Variants in OPCML observed in about 807,000 individuals in gnomAD.
The protein encoded by OPCML is opioid-binding protein/cell adhesion molecule.
OPCML carries 13 observed loss-of-function variants against 37.8 expected under a neutral mutation model. That is an observed-to-expected ratio of 0.34 (90% CI 0.22 to 0.55). OPCML has a LOEUF of 0.55. OPCML is among the 20% of genes least tolerant of loss of function. The probability of loss-of-function intolerance (pLI) is 0.91; values close to 1 mark genes in which losing one functional copy is unlikely to be tolerated. For synonymous variants in OPCML, 176 were observed against 168.8 expected, an observed-to-expected ratio of 1.04 and a Z score of -0.33; for missense variants, 341 against 435.6, an observed-to-expected ratio of 0.78 and a Z score of 1.93.
In OPCML at chr11:132,526,891, C is replaced by T. The variant is rs549702342; in HGVS notation, c.505+2170G>A. ...GTGGCCCTTTGCCGTCACTTCTCCCCTAATCCCTACCCTAGGTAACCACTG... is the reference window on the plus strand; with the variant it reads ...GTGGCCCTTTGCCGTCACTTCTCCCTTAATCCCTACCCTAGGTAACCACTG... On this transcript the variant is annotated intron_variant, in intron 4 of 7. Coordinates refer to ENST00000524381, the MANE Select transcript of OPCML (RefSeq NM_001012393.5). Among the ~76,000 whole-genome samples the T allele has an allele frequency of 3.9e-5, 6 of 152,268 alleles. No individual in the cohort carries two copies. In the South Asian group the frequency reaches 8.3e-4, roughly 21 times the overall value.
intron 2 of OPCML, among the ~76,000 whole-genome samples, chr11:132,780,410 T>C (rs1040719089): frequency 2.0e-5 from 3 of 152,148 alleles, no homozygotes; most frequent in Non-Finnish European, 2.9e-5. Context: ...ATATTAATAG[T>C]GGGTTGTTTT....
At chr11:133,215,221 A>T (rs896948120) in intron 1 of OPCML, among the ~76,000 whole-genome samples, 25 of 151,430 alleles carry the variant, frequency 1.7e-4, no homozygotes, top group Non-Finnish European at 2.4e-4. Context: ...TGTGTGTGAG[A>T]GAGAGAGAGA....
chr11:133,222,486 A>T (rs1939878594), intron 1 of OPCML, among the ~76,000 whole-genome samples: 1 of 152,112 alleles, frequency 6.6e-6, no homozygotes, highest in African/African-American at 2.4e-5. Flanking sequence ...TGCAGCCTGG[A>T]CTGGGGAGAC....
chr11:133,182,191 G>T (rs1937864797), intron 1 of OPCML, among the ~76,000 whole-genome samples: 1 of 152,166 alleles, frequency 6.6e-6, no homozygotes, highest in Non-Finnish European at 1.5e-5. Context: ...CATGTAGCAG[G>T]AATAAAAGAA....
intron 1 of OPCML, among the ~76,000 whole-genome samples, chr11:133,217,303 A>G (rs919952090): frequency 2.0e-5 from 3 of 151,810 alleles, no homozygotes; most frequent in Non-Finnish European, 4.4e-5. Flanking sequence ...TTTGTAAATT[A>G]CTCATCATTC....
intron 2 of OPCML, among the ~76,000 whole-genome samples, chr11:132,856,129 A>G (rs1942044953): frequency 6.6e-6 from 1 of 152,226 alleles, no homozygotes. Flanking sequence ...TGTCCTAGGC[A>G]TAAAAATTTG....
chr11:133,037,445 G>A (rs1947802909), intron 1 of OPCML, among the ~76,000 whole-genome samples: 1 of 152,194 alleles, frequency 6.6e-6, no homozygotes, highest in African/African-American at 2.4e-5. Context: ...TGGGTAGGAG[G>A]TGGGTCAGAA....
rs141817661 is a variant in OPCML at position 133,211,205 on chromosome 11, G to GTTCTGCTT, written c.62-268203_62-268196dup. Among the ~76,000 whole-genome samples the GTTCTGCTT allele has an allele frequency of 0.074, 11,204 of 152,080 alleles. 445 individuals carry two copies. The highest frequency in any genetic ancestry group is 0.096 in the Non-Finnish European group (6,546 of 67,982). ...GATTTAATGTACTCATTTCCCTCAGGTTCTGCTTTCTGGTGATGGTTTCCT... is the reference window on the plus strand; with the variant it reads ...GATTTAATGTACTCATTTCCCTCAGGTTCTGCTTTTCTGCTTTCTGGTGATGGTTTCCT... On this transcript the variant is annotated intron_variant, in intron 1 of 7. Transcript: ENST00000524381. This position sits in a 1 kb window ranked among gnomAD's most constrained non-coding sequence, Gnocchi z 4.1.
intron 1 of OPCML, among the ~76,000 whole-genome samples, chr11:133,152,041 T>C (rs1184782794): frequency 6.6e-6 from 1 of 152,158 alleles, no homozygotes; most frequent in Non-Finnish European, 1.5e-5. Flanking sequence ...GAAACAGAGA[T>C]TTAGTTTATA....
intron 1 of OPCML, among the ~76,000 whole-genome samples, chr11:133,172,007 G>A (rs934903460): frequency 1.3e-5 from 2 of 152,184 alleles, no homozygotes; most frequent in African/African-American, 4.8e-5. Flanking sequence ...CTGCTTATTT[G>A]AATACATAGC....
At chr11:133,269,747 T>C (rs972130415) in intron 1 of OPCML, among the ~76,000 whole-genome samples, 6 of 152,080 alleles carry the variant, frequency 3.9e-5, no homozygotes, top group African/African-American at 1.4e-4. Flanking sequence ...GCAAACCATC[T>C]CTCTAACTAG....
At chr11:132,460,005 AATACAGTGCTGTTGTGGGGGTGGG>A (rs983704725) in intron 4 of OPCML, among the ~76,000 whole-genome samples, 1 of 152,142 alleles carries the variant, frequency 6.6e-6, no homozygotes, top group African/African-American at 2.4e-5. Flanking sequence ...TGTTTTTTCA[AATACAGTGCTGTTGTGGGGGTGGG>A]ATGGCTACTT....
At chr11:133,107,233 GATT>G (rs1279691043) in intron 1 of OPCML, among the ~76,000 whole-genome samples, 3 of 152,162 alleles carry the variant, frequency 2.0e-5, no homozygotes, top group African/African-American at 4.8e-5. Flanking sequence ...TATAGAAGTA[GATT>G]ATTAACTGGA....
chr11:132,721,950 C>CTTTTTTTTTTTTTT (rs34325848), intron 2 of OPCML, among the ~76,000 whole-genome samples: 1 of 82,782 alleles, frequency 1.2e-5, no homozygotes, highest in African/African-American at 4.8e-5. Context: ...CTTTCCTTCC[C>CTTTTTTTTTTTTTT]TTTTTTTTTT....
At chr11:133,479,791 G>A (rs1445539085) in intron 1 of OPCML, among the ~76,000 whole-genome samples, 1 of 152,154 alleles carries the variant, frequency 6.6e-6, no homozygotes, top group South Asian at 2.1e-4. Flanking sequence ...TGACACCCAT[G>A]GCTTAATTAT....
At chr11:133,236,679 C>A (rs1399716853) in intron 1 of OPCML, among the ~76,000 whole-genome samples, 1 of 152,242 alleles carries the variant, frequency 6.6e-6, no homozygotes, top group Non-Finnish European at 1.5e-5. Flanking sequence ...CCCTGGCATG[C>A]TTATAATGGT....
intron 2 of OPCML, among the ~76,000 whole-genome samples, chr11:132,703,252 G>A (rs1301050081): frequency 3.9e-5 from 6 of 152,010 alleles, no homozygotes; most frequent in African/African-American, 1.4e-4. Flanking sequence ...TTGTTATTTT[G>A]TATACTGTAG....
At chr11:132,915,210 TCCC>T (rs1397685718) in intron 2 of OPCML, among the ~76,000 whole-genome samples, 1 of 152,150 alleles carries the variant, frequency 6.6e-6, no homozygotes, top group Non-Finnish European at 1.5e-5. Context: ...AGACCCTATC[TCCC>T]CATTTTCAAC....
chr11:132,823,630 C>T (rs1048695767), intron 2 of OPCML, among the ~76,000 whole-genome samples: 1 of 152,134 alleles, frequency 6.6e-6, no homozygotes, highest in African/African-American at 2.4e-5. Flanking sequence ...CTCCCTTTAA[C>T]TCACTGCTTT....
Sources: gnomAD v4.1 joint callset for allele counts (sites outside exome capture counted in the v4.1 genomes callset) on GRCh38, gnomAD v4.1.1 for gene constraint, Gnocchi (gnomAD v3.1) non-coding constraint, MANE v1.5 for transcripts, NCBI Gene and HGNC (gene_info 2026-07-23, HGNC 2026-07-21) for gene names.